The following GABBR1 variants were observed in gnomAD, a reference collection of about 807,000 sequenced individuals.
GABBR1 encodes gamma-aminobutyric acid type B receptor subunit 1.
In GABBR1, 35 loss-of-function variants were observed where a neutral mutation model predicts 117.7. The observed-to-expected ratio is 0.30, with a 90% CI of 0.23 to 0.39. The LOEUF is 0.39. GABBR1 is among the 10% of genes least tolerant of loss of function. The probability of loss-of-function intolerance (pLI) is 1.00; values close to 1 mark genes in which losing one functional copy is unlikely to be tolerated. For synonymous variants in GABBR1, 442 were observed against 486.6 expected (o/e 0.91, Z 1.21); for missense variants, 709 against 1,241.8 (o/e 0.57, Z 6.45).
In GABBR1 at chr6:29,627,730, GC is replaced by G; in HGVS notation, c.497-85del. ...GGCCCACACCGGAGCCACCCCTGCC[GC>G]CATCACAACCAGAAGCGGCAGTGGC... On this transcript the variant is annotated intron_variant, in intron 5 of 22. Transcript: ENST00000377034. This position sits in a 1 kb window ranked among gnomAD's most constrained non-coding sequence, Gnocchi z 4.4. 6.6e-7 allele frequency: 1 copy of G among 1,514,224 alleles called. No individual in the cohort carries two copies. The allele number at this position is 1,514,224 out of a possible 1,614,324, so 93.8% of individuals were successfully genotyped here.
In GABBR1 at chr6:29,624,101, C is replaced by T. The variant is rs966104226; in HGVS notation, c.658-77G>A. On this transcript the variant is annotated intron_variant, in intron 6 of 22. Coordinates refer to ENST00000377034, the MANE Select transcript of GABBR1 (RefSeq NM_001470.4). ...CTGCAATTCCTGCTCTTATCTTTCTCGAACAAATTAGTTCCTTTCTCAATT... is the reference window on the plus strand; with the variant it reads ...CTGCAATTCCTGCTCTTATCTTTCTTGAACAAATTAGTTCCTTTCTCAATT... 9.2e-5 allele frequency: 126 copies of T among 1,369,114 alleles called. 1 individual carries two copies. In the African/African-American group the frequency reaches 1.5e-3, roughly 17 times the overall value. 84.8% of individuals were successfully genotyped at this position (1,369,114 alleles called of 1,614,324 possible). A position where few individuals can be genotyped will look rare whatever the true frequency, so the allele number is the denominator to read the frequency against.
chr6:29,609,479 C>A lies in GABBR1; in HGVS notation c.1709-100G>T. The A allele has an allele frequency of 1.0e-6, 1 of 980,810 alleles. No homozygotes were observed. Among genetic ancestry groups the A allele is most frequent in the Admixed American group, 2.1e-5 (1 of 47,562 alleles). 60.8% of individuals were successfully genotyped at this position (980,810 alleles called of 1,614,324 possible). ...GAGAAAAGGGCAAAGAACTAGATTG[C>A]TGATGGACATTCAGTCATTGGCTGG... On this transcript the variant is annotated intron_variant, in intron 14 of 22. Coordinates refer to ENST00000377034, the MANE Select transcript of GABBR1 (RefSeq NM_001470.4). This position sits in a 1 kb window ranked among gnomAD's most constrained non-coding sequence, Gnocchi z 4.3.
rs765038553 is a variant in GABBR1 at position 29,611,301 on chromosome 6, G to A, written c.1631-300C>T. 54 of 336,350 alleles carry A rather than the reference G, an allele frequency of 1.6e-4. No homozygotes were observed. The highest frequency in any genetic ancestry group is 2.5e-4 in the Non-Finnish European group (47 of 186,460). The allele number at this position is 336,350 out of a possible 1,614,324, so 20.8% of individuals were successfully genotyped here. A position where few individuals can be genotyped will look rare whatever the true frequency, so the allele number is the denominator to read the frequency against. On this transcript the variant is annotated intron_variant, in intron 13 of 22. Coordinates refer to ENST00000377034, the MANE Select transcript of GABBR1 (RefSeq NM_001470.4). The surrounding 1 kb of genome is among the most constrained non-coding windows in gnomAD (Gnocchi z 4.6). ...TTCCATTCCTCACACCTCTCTCGGC[G>A]AGATGTCTCTCACTTTGATTTTGGC... is the stretch of plus-strand genomic sequence containing the variant.
At position 29,603,670 on chromosome 6, in the gene GABBR1, T is replaced by G. The variant is rs1165314096; in HGVS notation, c.2759A>C (p.Gln920Pro). The G allele has an allele frequency of 6.6e-7, 1 of 1,513,812 alleles. No homozygotes were observed. The highest frequency in any genetic ancestry group is 2.3e-5 in the East Asian group (1 of 43,680). The allele number at this position is 1,513,812 out of a possible 1,614,324, so 93.8% of individuals were successfully genotyped here. A position where few individuals can be genotyped will look rare whatever the true frequency, so the allele number is the denominator to read the frequency against. ...SELRHQLQSR[Q>P]QLRSRRHPPT... ...TGGGTGGCGCCGGGAGCGGAGCTGC[T>G]GCCGAGACTGGAGTTGATGGCGCAG... The change falls in exon 23 of 23, where the codon CAG becomes CCG. Residue 920 changes from glutamine (Q) to proline (P), a missense_variant. Physicochemically the swap from Gln to Pro is moderately conservative, Grantham distance 76. This residue lies in a region of GABBR1 where 69 missense variants were observed against 64.3 expected (regional missense o/e 1.07). Coordinates refer to ENST00000377034, the MANE Select transcript of GABBR1 (RefSeq NM_001470.4).
chr6:29,617,080 T>C (rs1241965691), intron 11 of GABBR1, among the ~76,000 whole-genome samples: 1 of 151,752 alleles, frequency 6.6e-6, no homozygotes, highest in Non-Finnish European at 1.5e-5. Context: ...AAACAAGTTA[T>C]TAAACCTCAC....
chr6:29,607,342 GGGAGGATGCGAAAATGTGAGCA>G lies in GABBR1; in HGVS notation c.1993-146_1993-125del. 1.3e-6 allele frequency: 1 copy of G among 740,986 alleles called. No homozygotes were observed. Among genetic ancestry groups the G allele is most frequent in the Non-Finnish European group, 2.3e-6 (1 of 427,580 alleles). The allele number at this position is 740,986 out of a possible 1,614,324, so 45.9% of individuals were successfully genotyped here. A position where few individuals can be genotyped will look rare whatever the true frequency, so the allele number is the denominator to read the frequency against. On this transcript the variant is annotated intron_variant, in intron 16 of 22. Transcript: ENST00000377034. This position sits in a 1 kb window ranked among gnomAD's most constrained non-coding sequence, Gnocchi z 5.0. ...CGGGCAGGGAGCTCATGGTGGCACA[GGGAGGATGCGAAAATGTGAGCA>G]GGACGGGGAGCGGCAGGAGGAGAGC...
intron 11 of GABBR1, among the ~76,000 whole-genome samples, chr6:29,616,555 C>T (rs888217384): frequency 7.4e-5 from 11 of 149,018 alleles, no homozygotes; most frequent in East Asian, 4.0e-4. Flanking sequence ...CATGGTGGCA[C>T]GCACCTGTAA....
chr6:29,608,731 T>A lies in GABBR1; in HGVS notation c.1862A>T (p.Tyr621Phe), dbSNP rs1458641755. 1 of 1,612,934 alleles carries A rather than the reference T, an allele frequency of 6.2e-7. No homozygotes were observed. Among genetic ancestry groups the A allele is most frequent in the Non-Finnish European group, 8.5e-7 (1 of 1,179,948 alleles). The change falls in exon 16 of 23, where the codon TAT (tyrosine) becomes TTT (phenylalanine). Residue 621 changes from tyrosine to phenylalanine, a missense_variant and splice_region_variant. Coordinates refer to ENST00000377034, the MANE Select transcript of GABBR1 (RefSeq NM_001470.4). ...SFNIYNSHVRYIQNSQPNLNN... is the reference protein window; with the variant it reads ...SFNIYNSHVRFIQNSQPNLNN... ...CAGGTTGGGCTGTGAGTTCTGGATATAACTAGGGCAGAGGTGGAGAGGGTG... is the reference window on the plus strand; with the variant it reads ...CAGGTTGGGCTGTGAGTTCTGGATAAAACTAGGGCAGAGGTGGAGAGGGTG...
Position 29,605,675 on chromosome 6 carries a change from C to A in GABBR1, c.2333G>T (p.Gly778Val), listed in dbSNP as rs1361504190. The A allele has an allele frequency of 6.2e-7, 1 of 1,612,988 alleles. No homozygotes were observed. The highest frequency in any genetic ancestry group is 1.1e-5 in the South Asian group (1 of 91,076). The stretch of plus-strand genomic sequence containing the variant: ...GAAGATTCCCAGCAGCAGCAGCAGC[C>A]CCTTGTAACCATAGAAAATGCCTAG... ...TWLGIFYGYK[G>V]LLLLLGIFLA... is the part of the protein sequence containing the mutation. The change falls in exon 20 of 23, where the codon GGG (glycine) becomes GTG (valine). Residue 778 changes from glycine to valine, a missense_variant. By Grantham distance (109) the Gly-to-Val change is moderately radical. Coordinates refer to ENST00000377034, the MANE Select transcript of GABBR1 (RefSeq NM_001470.4). This position sits in a 1 kb window ranked among gnomAD's most constrained non-coding sequence, Gnocchi z 4.2.
chr6:29,620,981 C>A lies in GABBR1; in HGVS notation c.1323+120G>T. ...GCAGACAAGTTCAGGGTGGGCACAG[C>A]CCCCTCTTCTCCTTTATATCCAAAT... On this transcript the variant is annotated intron_variant, in intron 11 of 22. Coordinates refer to ENST00000377034, the MANE Select transcript of GABBR1 (RefSeq NM_001470.4). The surrounding 1 kb of genome is among the most constrained non-coding windows in gnomAD (Gnocchi z 4.5). The A allele has an allele frequency of 6.6e-6, 5 of 761,986 alleles. 1 individual carries two copies. The highest frequency in any genetic ancestry group is 1.8e-5 in the South Asian group (1 of 55,200). 47.2% of individuals were successfully genotyped at this position (761,986 alleles called of 1,614,324 possible).
In GABBR1 at chr6:29,602,964, T is replaced by C; in HGVS notation, c.*579A>G. On this transcript the variant is annotated 3_prime_UTR_variant, in exon 23 of 23. Coordinates refer to ENST00000377034, the MANE Select transcript of GABBR1 (RefSeq NM_001470.4). ...GGGGAGGATGCATGTGTGCTGAGCG[T>C]GAGTGCACAGAGCAGAGGCAAGGAG... The C allele has an allele frequency of 2.2e-6, 1 of 456,118 alleles. No individual in the cohort carries two copies. Among genetic ancestry groups the C allele is most frequent in the Non-Finnish European group, 4.4e-6 (1 of 226,698 alleles). The allele number at this position is 456,118 out of a possible 1,614,324, so 28.3% of individuals were successfully genotyped here.
At position 29,622,435 on chromosome 6, in the gene GABBR1, C is replaced by G. The variant is rs1314072293; in HGVS notation, c.964-230G>C. 1.8e-6 allele frequency: 1 copy of G among 558,420 alleles called. No homozygotes were observed. The highest frequency in any genetic ancestry group is 3.2e-6 in the Non-Finnish European group (1 of 312,614). 34.6% of individuals were successfully genotyped at this position (558,420 alleles called of 1,614,324 possible). A position where few individuals can be genotyped will look rare whatever the true frequency, so the allele number is the denominator to read the frequency against. ...TGAATGGTGAGCCCCTGCTGAGGCT[C>G]TGTGTGGGGGAAGCCACTCCATTCA... On this transcript the variant is annotated intron_variant, in intron 8 of 22. Coordinates refer to ENST00000377034, the MANE Select transcript of GABBR1 (RefSeq NM_001470.4). This position sits in a 1 kb window ranked among gnomAD's most constrained non-coding sequence, Gnocchi z 4.6.
Position 29,627,795 on chromosome 6 carries a change from G to A in GABBR1, c.497-149C>T, listed in dbSNP as rs1420736325. The A allele has an allele frequency of 6.2e-6, 9 of 1,441,164 alleles. No homozygotes were observed. The highest frequency in any genetic ancestry group is 1.9e-4 in the Middle Eastern group (1 of 5,330). The allele number at this position is 1,441,164 out of a possible 1,614,324, so 89.3% of individuals were successfully genotyped here. On this transcript the variant is annotated intron_variant, in intron 5 of 22. Transcript: ENST00000377034. The surrounding 1 kb of genome is among the most constrained non-coding windows in gnomAD (Gnocchi z 4.4). ...CAAAAGGGGCCCCGGGCCCCATGGC[G>A]TGGGGGGCAGGGGTAGCTGTTGGGG... is the stretch of plus-strand genomic sequence containing the variant.
rs1167287769 is a variant in GABBR1, at chr6:29,606,637, C to T, written c.2218-153G>A. ...AGGCCTAAGAATGTTTTCCTGAACCCTTGGAGGTGCTTGTTCCCCACTTTC... is the reference window on the plus strand; with the variant it reads ...AGGCCTAAGAATGTTTTCCTGAACCTTTGGAGGTGCTTGTTCCCCACTTTC... On this transcript the variant is annotated intron_variant, in intron 18 of 22. Coordinates refer to ENST00000377034, the MANE Select transcript of GABBR1 (RefSeq NM_001470.4). This position sits in a 1 kb window ranked among gnomAD's most constrained non-coding sequence, Gnocchi z 4.5. 1 of 659,624 alleles carries T rather than the reference C, an allele frequency of 1.5e-6. No homozygotes were observed. Among genetic ancestry groups the T allele is most frequent in the African/African-American group, 1.8e-5 (1 of 55,566 alleles). 40.9% of individuals were successfully genotyped at this position (659,624 alleles called of 1,614,324 possible).
rs756274155 is a variant in GABBR1 at position 29,604,586 on chromosome 6, T to A, written c.2620A>T (p.Met874Leu). Residue 874 changes from methionine (M) to leucine (L), a missense_variant, in exon 22 of 23, where the codon ATG (methionine) becomes TTG (leucine). By Grantham distance (15) the Met-to-Leu change is conservative. This residue lies in a region of GABBR1 where 251 missense variants were observed against 445.3 expected (regional missense o/e 0.56). Transcript: ENST00000377034. The surrounding 1 kb of genome is among the most constrained non-coding windows in gnomAD (Gnocchi z 5.3). Reference sequence around the variant, plus strand: ...TTGTTGGTCGATGACCCTGTCTTCATGGTGTCCTGCGCCTCCGACTGCCAT... The same window carrying A: ...TTGTTGGTCGATGACCCTGTCTTCAAGGTGTCCTGCGCCTCCGACTGCCAT... The part of the protein sequence containing the change: ...GEWQSEAQDT[M>L]KTGSSTNNNE... 9.9e-6 allele frequency: 16 copies of A among 1,613,290 alleles called. No individual in the cohort carries two copies. In the East Asian group the frequency reaches 3.3e-4, roughly 34 times the overall value.
At position 29,621,436 on chromosome 6, in the gene GABBR1, G is replaced by A; in HGVS notation, c.1132-144C>T. 1 of 721,006 alleles carries A rather than the reference G, an allele frequency of 1.4e-6. No individual in the cohort carries two copies. Among genetic ancestry groups the A allele is most frequent in the Non-Finnish European group, 2.3e-6 (1 of 442,358 alleles). 44.7% of individuals were successfully genotyped at this position (721,006 alleles called of 1,614,324 possible). On this transcript the variant is annotated intron_variant, in intron 10 of 22. Coordinates refer to ENST00000377034, the MANE Select transcript of GABBR1 (RefSeq NM_001470.4). This position sits in a 1 kb window ranked among gnomAD's most constrained non-coding sequence, Gnocchi z 5.0. The stretch of plus-strand genomic sequence containing the variant: ...AAATCTACAAGTCTTGGGGATAGTA[G>A]GAAAGGCTGACAATTCTTCCTTCTA...
Position 29,611,215 on chromosome 6 carries a change from A to G in GABBR1, c.1631-214T>C. The G allele has an allele frequency of 2.0e-6, 1 of 499,226 alleles. No homozygotes were observed. Among genetic ancestry groups the G allele is most frequent in the East Asian group, 3.0e-5 (1 of 33,020 alleles). The allele number at this position is 499,226 out of a possible 1,614,324, so 30.9% of individuals were successfully genotyped here. A position where few individuals can be genotyped will look rare whatever the true frequency, so the allele number is the denominator to read the frequency against. ...GTGGTTCCCAAGACAACTCAAATAA[A>G]TAAGAATATCTATGTTTAAAAGTCT... On this transcript the variant is annotated intron_variant, in intron 13 of 22. Coordinates refer to ENST00000377034, the MANE Select transcript of GABBR1 (RefSeq NM_001470.4). The surrounding 1 kb of genome is among the most constrained non-coding windows in gnomAD (Gnocchi z 4.6).
rs1433233340 is a variant in GABBR1, at chr6:29,607,664, T to A, written c.1993-446A>T. ...TTCTCTTCATCTACTCTCTTTCATG[T>A]ATTTTCTAGCCACACGATGCTCCCT... On this transcript the variant is annotated intron_variant, in intron 16 of 22. Transcript: ENST00000377034. The surrounding 1 kb of genome is among the most constrained non-coding windows in gnomAD (Gnocchi z 5.0). Among the ~76,000 whole-genome samples the A allele has an allele frequency of 6.6e-6, 1 of 152,222 alleles. No homozygotes were observed. The highest frequency in any genetic ancestry group is 2.4e-5 in the African/African-American group (1 of 41,464).
chr6:29,603,254 TGAG>T lies in GABBR1; in HGVS notation c.*286_*288del, dbSNP rs1327812857. ...GAAGAGAAAGATGCAGTGAGGCTGC[TGAG>T]GAGGCAGCGTGTGAGCAGTGAGCAG... On this transcript the variant is annotated 3_prime_UTR_variant, in exon 23 of 23. Transcript: ENST00000377034. 1 of 613,506 alleles carries T rather than the reference TGAG, an allele frequency of 1.6e-6. No individual in the cohort carries two copies. The highest frequency in any genetic ancestry group is 3.4e-5 in the East Asian group (1 of 29,040). The allele number at this position is 613,506 out of a possible 1,614,324, so 38.0% of individuals were successfully genotyped here.
Sources: allele counts gnomAD v4.1 joint callset (sites outside exome capture counted in the v4.1 genomes callset), GRCh38; gene constraint gnomAD v4.1.1; regional missense constraint gnomAD v4.1.1; non-coding constraint Gnocchi (gnomAD v3.1); transcripts MANE v1.5; gene names NCBI Gene and HGNC (gene_info 2026-07-23, HGNC 2026-07-21).